Variants in TNIK observed in about 807,000 individuals in gnomAD.
The protein encoded by TNIK is TRAF2 and NCK-interacting protein kinase.
A neutral mutation model predicts 191.3 loss-of-function variants in TNIK; 49 were observed. That is an observed-to-expected ratio of 0.26 (90% CI 0.20 to 0.32). The LOEUF is 0.32. Among genes scored for constraint, TNIK ranks in the 10% least tolerant of loss-of-function variants. TNIK has a pLI of 1.00. For missense variants in TNIK, 1,155 were observed against 1,702.3 expected, an observed-to-expected ratio of 0.68 and a Z score of 5.66; for synonymous variants, 594 against 600.9, an observed-to-expected ratio of 0.99 and a Z score of 0.17.
intron 2 of TNIK, among the ~76,000 whole-genome samples, chr3:171,238,843 T>C (rs1050095878): frequency 3.3e-5 from 5 of 152,210 alleles, no homozygotes; most frequent in Non-Finnish European, 5.9e-5. Context: ...TTTCCTTGCT[T>C]AGTAGAATCT....
chr3:171,160,655 G>A (rs1367531504), intron 11 of TNIK, among the ~76,000 whole-genome samples: 2 of 152,066 alleles, frequency 1.3e-5, no homozygotes, highest in Non-Finnish European at 2.9e-5. Flanking sequence ...CTAGAAGAAA[G>A]TCAGAATCAA....
At chr3:171,303,473 C>T (rs1399784100) in intron 2 of TNIK, among the ~76,000 whole-genome samples, 1 of 151,990 alleles carries the variant, frequency 6.6e-6, no homozygotes, top group Non-Finnish European at 1.5e-5. Flanking sequence ...AAGTAAAAAA[C>T]ATCTTTTGAC....
chr3:171,271,739 A>C (rs1180855580), intron 2 of TNIK, among the ~76,000 whole-genome samples: 1 of 152,258 alleles, frequency 6.6e-6, no homozygotes, highest in Non-Finnish European at 1.5e-5. Context: ...AAATGTGCCT[A>C]GAACAGTGTG....
chr3:171,291,317 G>T (rs1021777511), intron 2 of TNIK, among the ~76,000 whole-genome samples: 1 of 152,034 alleles, frequency 6.6e-6, no homozygotes, highest in Non-Finnish European at 1.5e-5. Flanking sequence ...ACAGATATCT[G>T]CCATTTCTGA....
At chr3:171,120,183 C>T (rs541391441) in intron 18 of TNIK, among the ~76,000 whole-genome samples, 1 of 152,228 alleles carries the variant, frequency 6.6e-6, no homozygotes, top group Admixed American at 6.5e-5. Flanking sequence ...CCCAAATGAT[C>T]AAAAAACATC....
In TNIK at chr3:171,299,646, A is replaced by G. The variant is rs527376949; in HGVS notation, c.123+69974T>C. ...GGCCAACCAGGACTATAGCTTTCTG[A>G]TTTGAAGTTGGAGAAAAAAACAAGT... On this transcript the variant is annotated intron_variant, in intron 2 of 32. Transcript: ENST00000436636. 2.0e-5 allele frequency among the ~76,000 whole-genome samples: 3 copies of G among 152,268 alleles called. No homozygotes were observed. The South Asian group carries it at 6.2e-4, about 32-fold the overall frequency.
At chr3:171,323,007 G>C (rs1248789154) in intron 2 of TNIK, among the ~76,000 whole-genome samples, 2 of 152,008 alleles carry the variant, frequency 1.3e-5, no homozygotes, top group Non-Finnish European at 2.9e-5. Context: ...TGGGAAAGTT[G>C]TATGAAATTT....
At chr3:171,071,453 G>A in intron 28 of TNIK, 130 bp from the exon 29 acceptor site, 1 of 732,116 alleles carries the variant, frequency 1.4e-6, no homozygotes, top group South Asian at 2.1e-5. Context: ...TCATGAAGGT[G>A]ATATTCCTGG....
chr3:171,457,372 G>T (rs557498549), intron 1 of TNIK, among the ~76,000 whole-genome samples: 1 of 152,242 alleles, frequency 6.6e-6, no homozygotes, highest in Admixed American at 6.5e-5. Flanking sequence ...TGAGCCCAGG[G>T]TTTACAAAAA....
chr3:171,350,431 A>G (rs1221009110), intron 2 of TNIK, among the ~76,000 whole-genome samples: 1 of 152,138 alleles, frequency 6.6e-6, no homozygotes, highest in Non-Finnish European at 1.5e-5. Context: ...TCTCTATGAC[A>G]TTTGAAGATA....
At chr3:171,089,079 A>C (rs1721721219) in intron 23 of TNIK, among the ~76,000 whole-genome samples, 1 of 152,174 alleles carries the variant, frequency 6.6e-6, no homozygotes, top group Non-Finnish European at 1.5e-5. Context: ...TGTTTAGATG[A>C]AACAGACTCC....
chr3:171,122,735 A>G (rs2108557672), intron 18 of TNIK, among the ~76,000 whole-genome samples: 1 of 152,352 alleles, frequency 6.6e-6, no homozygotes, highest in Non-Finnish European at 1.5e-5. Flanking sequence ...ACAATGAAGA[A>G]GAAAACAGCC....
At chr3:171,087,041 C>T (rs1293835475) in intron 24 of TNIK, among the ~76,000 whole-genome samples, 1 of 152,172 alleles carries the variant, frequency 6.6e-6, no homozygotes, top group African/African-American at 2.4e-5. Flanking sequence ...CTGGAGGTCC[C>T]AGTTCTGGTC....
At chr3:171,436,601 T>C (rs575087779) in intron 1 of TNIK, among the ~76,000 whole-genome samples, 226 of 152,276 alleles carry the variant, frequency 1.5e-3, no homozygotes, top group African/African-American at 5.2e-3. Flanking sequence ...CGTAAGTCAT[T>C]TTCCTTCCTG....
chr3:171,350,233 A>G (rs1712917686), intron 2 of TNIK, among the ~76,000 whole-genome samples: 1 of 152,116 alleles, frequency 6.6e-6, no homozygotes, highest in African/African-American at 2.4e-5. Flanking sequence ...ATCCAAACCT[A>G]TGGTCTTAAC....
intron 2 of TNIK, among the ~76,000 whole-genome samples, chr3:171,287,332 T>G (rs1751128408): frequency 6.6e-6 from 1 of 152,274 alleles, no homozygotes; most frequent in South Asian, 2.1e-4. Flanking sequence ...ATTCAATATA[T>G]CTAAAATGTG....
chr3:171,438,434 T>C (rs995208325), intron 1 of TNIK, among the ~76,000 whole-genome samples: 2 of 152,224 alleles, frequency 1.3e-5, no homozygotes, highest in Admixed American at 1.3e-4. Flanking sequence ...CACTCAGTTA[T>C]AGTGGGGATG....
chr3:171,454,103 C>T (rs1013561613), intron 1 of TNIK, among the ~76,000 whole-genome samples: 3 of 152,288 alleles, frequency 2.0e-5, no homozygotes, highest in Admixed American at 2.0e-4. Context: ...GAGCTACTTC[C>T]CCCACAGAAA....
At chr3:171,424,910 C>T (rs1310347420) in intron 1 of TNIK, among the ~76,000 whole-genome samples, 2 of 151,244 alleles carry the variant, frequency 1.3e-5, no homozygotes, top group Non-Finnish European at 2.9e-5. Flanking sequence ...GTGCAGCACA[C>T]CAACATGGCA....
Sources: allele counts gnomAD v4.1 joint callset (sites outside exome capture counted in the v4.1 genomes callset), GRCh38; gene constraint gnomAD v4.1.1; transcripts MANE v1.5; gene names NCBI Gene and HGNC (gene_info 2026-07-23, HGNC 2026-07-21).